Variants in BLK observed in about 807,000 individuals in gnomAD.
BLK encodes tyrosine-protein kinase Blk.
A neutral mutation model predicts 61.8 loss-of-function variants in BLK; 64 were observed. The observed-to-expected ratio is 1.03, with a 90% confidence interval of 0.85 to 1.27. The LOEUF (loss-of-function observed/expected upper bound fraction) is 1.27. Ranked by LOEUF, BLK falls within the 50% of genes most tolerant of loss-of-function variation. The pLI is 0.00. For synonymous variants in BLK, 351 were observed against 272.0 expected (o/e 1.29, Z -2.86); for missense variants, 853 against 660.5 (o/e 1.29, Z -3.19).
At chr8:11,555,032 C>T in intron 7 of BLK, 143 bp downstream of exon 7, 1 of 1,322,398 alleles carries the variant, frequency 7.6e-7, no homozygotes, top group Non-Finnish European at 1.0e-6. Flanking sequence ...GAGGTAGCAA[C>T]TCTGAGCACC....
intron 1 of BLK, among the ~76,000 whole-genome samples, chr8:11,495,427 G>A (rs1298256960): frequency 1.3e-5 from 2 of 152,212 alleles, no homozygotes; most frequent in Middle Eastern, 3.2e-3. Context: ...GGGAGAAATA[G>A]TAGCTCTGTA....
At chr8:11,512,119 G>C (rs1799034336) in intron 1 of BLK, among the ~76,000 whole-genome samples, 1 of 152,210 alleles carries the variant, frequency 6.6e-6, no homozygotes, top group African/African-American at 2.4e-5. Context: ...GAGCTCAGGA[G>C]GAGTCTGGTT....
In BLK at chr8:11,562,917, G is replaced by A. The variant is rs1013234999; in HGVS notation, c.1181-62G>A. ...GGACAGCAGGAGCAGGGGTAGGGGT[G>A]AGGATGGAGGGTAGGGGCCACCGGC... On this transcript the variant is annotated intron_variant, in intron 11 of 12. Coordinates refer to ENST00000259089, the MANE Select transcript of BLK (RefSeq NM_001715.3). 6.2e-6 allele frequency: 10 copies of A among 1,609,358 alleles called. No homozygotes were observed. In the African/African-American group the frequency reaches 9.3e-5, roughly 15 times the overall value.
At chr8:11,550,392 C>A in intron 6 of BLK, 130 bp downstream of exon 6, 1 of 868,812 alleles carries the variant, frequency 1.2e-6, no homozygotes, top group Non-Finnish European at 1.9e-6. Flanking sequence ...GGCTTGTGTC[C>A]CTCCCAATTC....
intron 1 of BLK, among the ~76,000 whole-genome samples, chr8:11,529,364 G>C (rs1261289678): frequency 6.6e-6 from 1 of 152,164 alleles, no homozygotes; most frequent in Non-Finnish European, 1.5e-5. Flanking sequence ...TGAGTCGAGA[G>C]TGCTGATTGG....
chr8:11,535,258 AAAGAAGAAAGAAAGAAAG>A (rs1563102296), intron 1 of BLK, among the ~76,000 whole-genome samples: 7 of 141,356 alleles, frequency 5.0e-5, no homozygotes. Context: ...GGAAAGAAAG[AAAGAAGAAAGAAAGAAAG>A]AAAGAAAGAA....
At chr8:11,499,976 G>A (rs1376347804) in intron 1 of BLK, among the ~76,000 whole-genome samples, 1 of 152,022 alleles carries the variant, frequency 6.6e-6, no homozygotes, top group African/African-American at 2.4e-5. Context: ...ACTAGGAAAT[G>A]AATATATAAA....
chr8:11,539,002 C>G (rs1800256931), intron 1 of BLK, among the ~76,000 whole-genome samples: 1 of 151,842 alleles, frequency 6.6e-6, no homozygotes, highest in Non-Finnish European at 1.5e-5. Flanking sequence ...TCTTATAATC[C>G]AAAATCCATT....
At chr8:11,562,106 A>G (rs1801525646) in intron 11 of BLK, among the ~76,000 whole-genome samples, 1 of 152,204 alleles carries the variant, frequency 6.6e-6, no homozygotes, top group Non-Finnish European at 1.5e-5. Context: ...GGTGTAAGCC[A>G]TGCCCAAATA....
At chr8:11,542,980 C>T (rs1182171380) in intron 1 of BLK, among the ~76,000 whole-genome samples, 1 of 152,188 alleles carries the variant, frequency 6.6e-6, no homozygotes, top group Non-Finnish European at 1.5e-5. Flanking sequence ...CGGTTATCTC[C>T]AGCCAGAGGA....
At chr8:11,518,318 A>T (rs1162312631) in intron 1 of BLK, among the ~76,000 whole-genome samples, 1 of 152,166 alleles carries the variant, frequency 6.6e-6, no homozygotes, top group South Asian at 2.1e-4. Flanking sequence ...GTGAATACGC[A>T]CTTTCGTGTG....
chr8:11,534,266 G>C (rs1291746754), intron 1 of BLK, among the ~76,000 whole-genome samples: 1 of 152,134 alleles, frequency 6.6e-6, no homozygotes, highest in Non-Finnish European at 1.5e-5. Context: ...GTTAAAAATT[G>C]AAAAATAGGT....
intron 1 of BLK, among the ~76,000 whole-genome samples, chr8:11,541,633 G>A (rs1800386194): frequency 2.0e-5 from 3 of 151,978 alleles, no homozygotes; most frequent in Non-Finnish European, 2.9e-5. Flanking sequence ...GAGTAGCTGG[G>A]ATTACAGGCC....
At chr8:11,528,225 T>C (rs887695310) in intron 1 of BLK, among the ~76,000 whole-genome samples, 2 of 152,122 alleles carry the variant, frequency 1.3e-5, no homozygotes, top group African/African-American at 4.8e-5. Flanking sequence ...TTTGTAGAGA[T>C]GGAGTCTTGC....
chr8:11,557,114 G>A (rs1022842205), intron 9 of BLK, among the ~76,000 whole-genome samples: 5 of 152,324 alleles, frequency 3.3e-5, no homozygotes, highest in African/African-American at 1.2e-4. Flanking sequence ...AGCACTCTTT[G>A]ATGCCTGCTG....
At position 11,554,737 on chromosome 8, in the gene BLK, C is replaced by T. The variant is rs1446814007; in HGVS notation, c.473-6C>T. 6.2e-7 allele frequency: 1 copy of T among 1,613,154 alleles called. No homozygotes were observed. The highest frequency in any genetic ancestry group is 1.3e-5 in the African/African-American group (1 of 75,046). On this transcript the variant is annotated splice_polypyrimidine_tract_variant and splice_region_variant and intron_variant, in intron 6 of 12. Coordinates refer to ENST00000259089, the MANE Select transcript of BLK (RefSeq NM_001715.3). ...CTTCTCGTGTGTGTCTTCATGAACC[C>T]TCCAGGTGCCTTCTCCCTGTCTGTG...
intron 1 of BLK, among the ~76,000 whole-genome samples, chr8:11,507,272 C>T (rs141281361): frequency 8.7e-4 from 133 of 152,266 alleles, no homozygotes; most frequent in Middle Eastern, 3.4e-3. Flanking sequence ...ATTGGAAGGA[C>T]GATGGACTAG....
At chr8:11,528,951 G>C (rs1220923083) in intron 1 of BLK, among the ~76,000 whole-genome samples, 1 of 152,100 alleles carries the variant, frequency 6.6e-6, no homozygotes, top group Non-Finnish European at 1.5e-5. Flanking sequence ...GGCCTATTGG[G>C]GAGCGGGAAG....
chr8:11,523,283 G>A (rs1283929955), intron 1 of BLK, among the ~76,000 whole-genome samples: 1 of 152,200 alleles, frequency 6.6e-6, no homozygotes, highest in Non-Finnish European at 1.5e-5. Flanking sequence ...GTTGGGCATG[G>A]TGGCTCACAC....
Sources: allele counts gnomAD v4.1 joint callset (sites outside exome capture counted in the v4.1 genomes callset), GRCh38; gene constraint gnomAD v4.1.1; transcripts MANE v1.5; gene names NCBI Gene and HGNC (gene_info 2026-07-23, HGNC 2026-07-21).